The following TRIM59 variants were observed in gnomAD, a reference collection of about 807,000 sequenced individuals.
TRIM59 encodes tripartite motif-containing protein 59.
In TRIM59, 14 loss-of-function variants were observed where a neutral mutation model predicts 32.2. The observed-to-expected ratio is 0.43, with a 90% CI of 0.29 to 0.68. The LOEUF (loss-of-function observed/expected upper bound fraction) is 0.68. TRIM59 is among the 30% of genes least tolerant of loss of function. The pLI, the probability that TRIM59 is intolerant of heterozygous loss-of-function variation, is 0.15. For synonymous variants in TRIM59, 163 were observed against 155.1 expected, an observed-to-expected ratio of 1.05 and a Z score of -0.38; for missense variants, 471 against 463.3, an observed-to-expected ratio of 1.02 and a Z score of -0.15.
chr3:160,438,740 C>T lies in TRIM59; in HGVS notation c.444G>A (p.Leu148=), dbSNP rs747937674. ...AGTGTGTGTCAGTCAACTGTTCAAG[C>T]AGTTTTTGAGGAGTGTCCTTTTCTT... ...YLKEKDTPQK[L]LEQLTDTHWT... Residue 148 remains leucine, a synonymous_variant, in exon 3 of 3, where the codon CTG becomes CTA. Transcript: ENST00000309784. 4 of 1,614,046 alleles carry T rather than the reference C, an allele frequency of 2.5e-6. No individual in the cohort carries two copies. In the Admixed American group the frequency reaches 6.7e-5, roughly 27 times the overall value.
In TRIM59 at chr3:160,439,231, T is replaced by C. The variant is rs370125556; in HGVS notation, c.-3-45A>G. 110 of 1,421,270 alleles carry C rather than the reference T, an allele frequency of 7.7e-5. No individual in the cohort carries two copies. The African/African-American group carries it at 1.5e-3, about 19-fold the overall frequency. The allele number at this position is 1,421,270 out of a possible 1,614,324, so 88.0% of individuals were successfully genotyped here. A position where few individuals can be genotyped will look rare whatever the true frequency, so the allele number is the denominator to read the frequency against. ...TTTTAAGTTTACATAGAGACACCTG[T>C]ACATATTATTTAACATTCTAGGCAT... On this transcript the variant is annotated intron_variant, in intron 2 of 2. Transcript: ENST00000309784.
In TRIM59 at chr3:160,443,495, C is replaced by T. The variant is rs557130070; in HGVS notation, c.-3-4309G>A. ...ATATAAGATCTCAAAAATGAACAAC[C>T]TTCTTCCAACTCTTTCTAAAGAAGC... On this transcript the variant is annotated intron_variant, in intron 2 of 2. Transcript: ENST00000309784. Among the ~76,000 whole-genome samples, 8 of 152,190 alleles carry T rather than the reference C, an allele frequency of 5.3e-5. No homozygotes were observed. In the East Asian group the frequency reaches 1.5e-3, roughly 29 times the overall value.
Position 160,438,599 on chromosome 3 carries a change from T to C in TRIM59, c.585A>G (p.Thr195=), listed in dbSNP as rs761466057. Residue 195 remains threonine (T), a synonymous_variant, in exon 3 of 3, where the codon ACA becomes ACG. Transcript: ENST00000309784. ...VLQYFKELND[T]LEQKKKSFLT... ...GGAAACTTTTTTTTTTCTGTTCTAATGTATCATTAAGCTCCTTAAAATACT... is the reference window on the plus strand; with the variant it reads ...GGAAACTTTTTTTTTTCTGTTCTAACGTATCATTAAGCTCCTTAAAATACT... 43 of 1,612,352 alleles carry C rather than the reference T, an allele frequency of 2.7e-5. 1 individual carries two copies. The South Asian group carries it at 3.0e-4, about 11-fold the overall frequency.
chr3:160,449,356 T>C, intron 1 of TRIM59: 1 of 493,148 alleles, frequency 2.0e-6, no homozygotes. Flanking sequence ...ACTCTTCCCT[T>C]CCCCTTCTCA....
At chr3:160,440,596 T>C (rs1719191334) in intron 2 of TRIM59, among the ~76,000 whole-genome samples, 1 of 152,150 alleles carries the variant, frequency 6.6e-6, no homozygotes, top group South Asian at 2.1e-4. Flanking sequence ...CTGTTGAAAG[T>C]ACCTTAGGCA....
chr3:160,439,422 C>T (rs1719128140), intron 2 of TRIM59, among the ~76,000 whole-genome samples: 2 of 152,104 alleles, frequency 1.3e-5, no homozygotes, highest in Admixed American at 1.3e-4. Context: ...AAGCAATTAT[C>T]ATTAATTTGT....
Position 160,437,188 on chromosome 3 carries a change from C to A in TRIM59, c.*784G>T. On this transcript the variant is annotated 3_prime_UTR_variant, in exon 3 of 3. Transcript: ENST00000309784. ...GCAATATGGCAAAACCTCGTTTCTA[C>A]AAAAAACAATTTTTTTAATTAGCCA... The A allele has an allele frequency of 1.5e-6, 1 of 658,752 alleles. No individual in the cohort carries two copies. The highest frequency in any genetic ancestry group is 1.9e-6 in the Non-Finnish European group (1 of 531,772). 40.8% of individuals were successfully genotyped at this position (658,752 alleles called of 1,614,324 possible).
chr3:160,441,258 T>G (rs1456991524), intron 2 of TRIM59, among the ~76,000 whole-genome samples: 1 of 152,250 alleles, frequency 6.6e-6, no homozygotes, highest in Non-Finnish European at 1.5e-5. Context: ...GCAGGAATTG[T>G]GTCTAAACAA....
At chr3:160,443,093 T>C (rs1005374473) in intron 2 of TRIM59, among the ~76,000 whole-genome samples, 1 of 151,914 alleles carries the variant, frequency 6.6e-6, no homozygotes, top group African/African-American at 2.4e-5. Flanking sequence ...CACTCCAGCC[T>C]AGGCAACAGA....
At chr3:160,449,573 G>A in intron 1 of TRIM59, 144 bp downstream of exon 1, 3 of 1,288,082 alleles carry the variant, frequency 2.3e-6, no homozygotes, top group South Asian at 2.5e-5. Flanking sequence ...AAGAGGGAAT[G>A]AGTGCAGGTC....
intron 2 of TRIM59, among the ~76,000 whole-genome samples, chr3:160,445,213 G>A (rs1465800100): frequency 1.3e-5 from 2 of 151,908 alleles, no homozygotes; most frequent in East Asian, 1.9e-4. Flanking sequence ...CCAGCAATTC[G>A]AGACCAGCCC....
rs1176317447 is a variant in TRIM59 at position 160,436,747 on chromosome 3, G to C, written c.*1225C>G. ...CGGGAGGCGGGGCTTGCAATGAGCC[G>C]AGATCACGCCACTGCACTCCAGCCT... On this transcript the variant is annotated 3_prime_UTR_variant, in exon 3 of 3. Transcript: ENST00000309784. 2 of 714,424 alleles carry C rather than the reference G, an allele frequency of 2.8e-6. No individual in the cohort carries two copies. Among genetic ancestry groups the C allele is most frequent in the African/African-American group, 4.5e-5 (2 of 44,426 alleles). 44.3% of individuals were successfully genotyped at this position (714,424 alleles called of 1,614,324 possible).
chr3:160,436,959 A>G lies in TRIM59; in HGVS notation c.*1013T>C, dbSNP rs4679885. 0.52 allele frequency: 515,021 copies of G among 984,722 alleles called. 135,213 individuals are homozygous for G. The highest frequency in any genetic ancestry group is 0.54 in the African/African-American group (30,854 of 57,172). The allele number at this position is 984,722 out of a possible 1,614,324, so 61.0% of individuals were successfully genotyped here. A position where few individuals can be genotyped will look rare whatever the true frequency, so the allele number is the denominator to read the frequency against. On this transcript the variant is annotated 3_prime_UTR_variant, in exon 3 of 3. Transcript: ENST00000309784. Reference sequence around the variant, plus strand: ...AAGTTACCAACATGATTCTGTTCTAATAAGAATGAGTTTTTAATCCAAGAA... The same window carrying G: ...AAGTTACCAACATGATTCTGTTCTAGTAAGAATGAGTTTTTAATCCAAGAA...
At chr3:160,448,495 A>G (rs993500172) in intron 2 of TRIM59, among the ~76,000 whole-genome samples, 1 of 152,238 alleles carries the variant, frequency 6.6e-6, no homozygotes, top group African/African-American at 2.4e-5. Flanking sequence ...TAAAATTTCT[A>G]GAAGGATGTA....
rs756945653 is a variant in TRIM59, at chr3:160,438,981, G to T, written c.203C>A (p.Thr68Asn). Residue 68 changes from threonine (T) to asparagine (N), a missense_variant, in exon 3 of 3, where the codon ACT becomes AAT. Coordinates refer to ENST00000309784, the MANE Select transcript of TRIM59 (RefSeq NM_173084.3). ...NCRSITEIAP[T>N]GIESLPVNFA... The stretch of plus-strand genomic sequence containing the variant: ...ATTAACAGGTAAAGATTCAATGCCA[G>T]TTGGAGCAATTTCAGTAATACTTCT... 1 of 1,614,092 alleles carries T rather than the reference G, an allele frequency of 6.2e-7. No homozygotes were observed. The highest frequency in any genetic ancestry group is 1.1e-5 in the South Asian group (1 of 91,070).
intron 2 of TRIM59, among the ~76,000 whole-genome samples, chr3:160,442,280 T>G (rs1008443822): frequency 1.3e-5 from 2 of 152,146 alleles, no homozygotes; most frequent in African/African-American, 4.8e-5. Flanking sequence ...AGCTCAACTT[T>G]CTTTAGAATG....
In TRIM59 at chr3:160,438,976, T is replaced by A. The variant is rs749091114; in HGVS notation, c.208A>T (p.Ile70Phe). 6 of 1,614,112 alleles carry A rather than the reference T, an allele frequency of 3.7e-6. No homozygotes were observed. The Admixed American group carries it at 1.0e-4, about 27-fold the overall frequency. Residue 70 changes from isoleucine (I) to phenylalanine (F), a missense_variant, in exon 3 of 3, where the codon ATT becomes TTT. Transcript: ENST00000309784. ...GCAAAATTAACAGGTAAAGATTCAA[T>A]GCCAGTTGGAGCAATTTCAGTAATA... ...RSITEIAPTG[I>F]ESLPVNFALR... is the part of the protein sequence containing the mutation.
chr3:160,435,871 A>G lies in TRIM59; in HGVS notation c.*2101T>C, dbSNP rs1308311333. 9.5e-7 allele frequency: 1 copy of G among 1,055,100 alleles called. No individual in the cohort carries two copies. Among genetic ancestry groups the G allele is most frequent in the African/African-American group, 1.6e-5 (1 of 61,304 alleles). 65.4% of individuals were successfully genotyped at this position (1,055,100 alleles called of 1,614,324 possible). A position where few individuals can be genotyped will look rare whatever the true frequency, so the allele number is the denominator to read the frequency against. Reference sequence around the variant, plus strand: ...TCTCACAGCTATATGGCCTTGGACAAGTCACTTGTCAGTTCCCTCATCTAC... The same window carrying G: ...TCTCACAGCTATATGGCCTTGGACAGGTCACTTGTCAGTTCCCTCATCTAC... On this transcript the variant is annotated 3_prime_UTR_variant, in exon 3 of 3. Transcript: ENST00000309784.
rs1013264210 is a variant in TRIM59, at chr3:160,441,278, T to G, written c.-3-2092A>C. On this transcript the variant is annotated intron_variant, in intron 2 of 2. Coordinates refer to ENST00000309784, the MANE Select transcript of TRIM59 (RefSeq NM_173084.3). ...AATTGTGTCTAAACAATGGTTATAT[T>G]CCTGCAATTTAGGCACAAATTTTAA... is the stretch of plus-strand genomic sequence containing the variant. Among the ~76,000 whole-genome samples, 3 of 152,370 alleles carry G rather than the reference T, an allele frequency of 2.0e-5. No homozygotes were observed. The South Asian group carries it at 6.2e-4, about 32-fold the overall frequency.
Sources: allele counts gnomAD v4.1 joint callset (sites outside exome capture counted in the v4.1 genomes callset), GRCh38; gene constraint gnomAD v4.1.1; transcripts MANE v1.5; gene names NCBI Gene and HGNC (gene_info 2026-07-23, HGNC 2026-07-21).